Variants in IGSF9B observed in about 807,000 individuals in gnomAD.
The protein encoded by IGSF9B is protein turtle homolog B.
IGSF9B carries 48 observed loss-of-function variants against 143.7 expected under a neutral mutation model. That is an observed-to-expected ratio of 0.33 (90% CI 0.26 to 0.42). The LOEUF is 0.42. Ranked by LOEUF, IGSF9B falls within the 20% of genes least tolerant of loss-of-function variation. The probability of loss-of-function intolerance (pLI) is 1.00; values close to 1 mark genes in which losing one functional copy is unlikely to be tolerated. For missense variants in IGSF9B, 1,706 were observed against 1,980.0 expected (o/e 0.86, Z 2.63); for synonymous variants, 903 against 833.1 (o/e 1.08, Z -1.44).
chr11:133,911,178 GA>G (rs1401228283), intron 19 of IGSF9B, among the ~76,000 whole-genome samples: 1 of 152,220 alleles, frequency 6.6e-6, no homozygotes, highest in Non-Finnish European at 1.5e-5. Flanking sequence ...TTCATGAAAA[GA>G]GGGTTTTTAA....
Position 133,935,773 on chromosome 11 carries a change from G to T in IGSF9B, c.822-11C>A. 6.2e-7 allele frequency: 1 copy of T among 1,609,846 alleles called. No homozygotes were observed. Among genetic ancestry groups the T allele is most frequent in the African/African-American group, 1.3e-5 (1 of 75,060 alleles). ...CTCAGCTTCAGGTCGCTGCAAAGCG[G>T]CATGGGGACAGGGGGTTGGGCGAGC... On this transcript the variant is annotated splice_polypyrimidine_tract_variant and intron_variant, in intron 6 of 19. Coordinates refer to ENST00000533871, the MANE Select transcript of IGSF9B (RefSeq NM_001277285.4).
chr11:133,901,840 ACACCACACACG>A lies in IGSF9B; in HGVS notation c.*7218_*7228del, dbSNP rs764402917. On this transcript the variant is annotated 3_prime_UTR_variant, in exon 20 of 20. Coordinates refer to ENST00000533871, the MANE Select transcript of IGSF9B (RefSeq NM_001277285.4). The stretch of plus-strand genomic sequence containing the variant: ...CCACACCACACACACAAACACACAC[ACACCACACACG>A]CACCACACACGCACCACACACGCAC... Among the ~76,000 whole-genome samples the A allele has an allele frequency of 6.8e-4, 100 of 147,820 alleles. No homozygotes were observed. In the Middle Eastern group the frequency reaches 0.018, roughly 27 times the overall value.
intron 5 of IGSF9B, among the ~76,000 whole-genome samples, chr11:133,936,396 C>G (rs1003971068): frequency 3.3e-5 from 5 of 152,164 alleles, no homozygotes; most frequent in African/African-American, 4.8e-5. Flanking sequence ...CTCCCCAGAC[C>G]AGCCGCCACG....
chr11:133,918,120 G>A (rs1308687619), intron 18 of IGSF9B, among the ~76,000 whole-genome samples: 1 of 151,938 alleles, frequency 6.6e-6, no homozygotes, highest in Admixed American at 6.5e-5. Flanking sequence ...GAAGCCGTGG[G>A]GATCGAGGAG....
At position 133,906,533 on chromosome 11, in the gene IGSF9B, G is replaced by A. The variant is rs553678263; in HGVS notation, c.*2536C>T. On this transcript the variant is annotated 3_prime_UTR_variant, in exon 20 of 20. Transcript: ENST00000533871. ...GCTCCCCGCGTTGGGTCTACGTGCT[G>A]AGGTCATGGGCACTGCCAGAGGAAG... is the stretch of plus-strand genomic sequence containing the variant. 1.2e-4 allele frequency among the ~76,000 whole-genome samples: 19 copies of A among 152,352 alleles called. No individual in the cohort carries two copies. The highest frequency in any genetic ancestry group is 2.0e-4 in the Admixed American group (3 of 15,308).
chr11:133,934,949 T>C (rs1939794795), intron 7 of IGSF9B, among the ~76,000 whole-genome samples: 1 of 152,210 alleles, frequency 6.6e-6, no homozygotes, highest in Non-Finnish European at 1.5e-5. Flanking sequence ...TTACTCCTCA[T>C]TACTCATCCT....
chr11:133,924,538 C>CT (rs1218999076), intron 15 of IGSF9B, among the ~76,000 whole-genome samples: 4 of 152,196 alleles, frequency 2.6e-5, no homozygotes, highest in Non-Finnish European at 4.4e-5. Flanking sequence ...CAATCAAGTC[C>CT]TTTTTGACTA....
chr11:133,908,891 G>A lies in IGSF9B; in HGVS notation c.*178C>T, dbSNP rs566900776. On this transcript the variant is annotated 3_prime_UTR_variant, in exon 20 of 20. Transcript: ENST00000533871. ...CAGGTGGAAGGTGTGCCCACCCTCC[G>A]TCCTGAAGACAGGCGGCCAGGATCT... is the stretch of plus-strand genomic sequence containing the variant. 76 of 607,614 alleles carry A rather than the reference G, an allele frequency of 1.3e-4. No individual in the cohort carries two copies. Among genetic ancestry groups the A allele is most frequent in the Middle Eastern group, 8.9e-4 (2 of 2,256 alleles). 37.6% of individuals were successfully genotyped at this position (607,614 alleles called of 1,614,324 possible). A position where few individuals can be genotyped will look rare whatever the true frequency, so the allele number is the denominator to read the frequency against.
intron 18 of IGSF9B, 146 bp from the exon 19 acceptor site, chr11:133,912,153 C>G: frequency 1.1e-6 from 1 of 914,926 alleles, no homozygotes; most frequent in Non-Finnish European, 1.7e-6. Context: ...GGCTCCATGA[C>G]ACCCGCCTTT....
rs1321009082 is a variant in IGSF9B, at chr11:133,945,213, T to G, written c.263-847A>C. Among the ~76,000 whole-genome samples the G allele has an allele frequency of 1.3e-5, 2 of 152,090 alleles. No homozygotes were observed. Among genetic ancestry groups the G allele is most frequent in the African/African-American group, 4.8e-5 (2 of 41,402 alleles). On this transcript the variant is annotated intron_variant, in intron 2 of 19. Transcript: ENST00000533871. The surrounding 1 kb of genome is among the most constrained non-coding windows in gnomAD (Gnocchi z 4.6). ...AGCTCACCCCTCACCGCAGCCAATA[T>G]CACCACACCTCTGCTCTCCTCCTCG...
Position 133,920,064 on chromosome 11 carries a change from G to T in IGSF9B, c.3661C>A (p.Arg1221Ser). Residue 1221 changes from arginine (R) to serine (S), a missense_variant, in exon 18 of 20, where the codon CGT becomes AGT. Physicochemically the swap from Arg to Ser is moderately radical, Grantham distance 110 (BLOSUM62 -1). This residue lies in a region of IGSF9B where 880 missense variants were observed against 762.9 expected (regional missense o/e 1.15). Transcript: ENST00000533871. ...SRTGSPELAARARPRPGLLQQ... is the reference protein window; with the variant it reads ...SRTGSPELAASARPRPGLLQQ... ...AGGAGGCCCGGGCGAGGCCGGGCAC[G>T]GGCGGCGAGCTCAGGGGAGCCGGTG... The T allele has an allele frequency of 6.5e-7, 1 of 1,545,060 alleles. No individual in the cohort carries two copies. The highest frequency in any genetic ancestry group is 1.4e-5 in the African/African-American group (1 of 72,380).
chr11:133,927,715 C>T (rs1939653186), intron 12 of IGSF9B, among the ~76,000 whole-genome samples: 1 of 152,170 alleles, frequency 6.6e-6, no homozygotes, highest in Non-Finnish European at 1.5e-5. Context: ...AGGGTGTTCC[C>T]TTGTTCCACA....
intron 3 of IGSF9B, among the ~76,000 whole-genome samples, chr11:133,941,343 T>C (rs1939953294): frequency 1.3e-5 from 2 of 152,210 alleles, no homozygotes; most frequent in African/African-American, 4.8e-5. Flanking sequence ...AAAGAAATAA[T>C]TGGGTCTGTT....
In IGSF9B at chr11:133,921,151, G is replaced by A. The variant is rs368835316; in HGVS notation, c.2574C>T (p.Phe858=). ...ELISRGPDGR[F]VMDPAEMEPS... ...GCTCCATCTCGGCAGGGTCCATCAC[G>A]AAGCGGCCGTCAGGGCCTCTGCTGA... The change falls in exon 18 of 20, where the codon TTC becomes TTT. Residue 858 remains phenylalanine (F), a synonymous_variant. Transcript: ENST00000533871. 91 of 1,612,908 alleles carry A rather than the reference G, an allele frequency of 5.6e-5. No individual in the cohort carries two copies. The African/African-American group carries it at 9.1e-4, about 16-fold the overall frequency.
At position 133,956,928 on chromosome 11, in the gene IGSF9B, G is replaced by C. The variant is rs1025529559; in HGVS notation, c.-174C>G. 6 of 385,338 alleles carry C rather than the reference G, an allele frequency of 1.6e-5. No individual in the cohort carries two copies. The East Asian group carries it at 2.0e-4, about 13-fold the overall frequency. The allele number at this position is 385,338 out of a possible 1,614,324, so 23.9% of individuals were successfully genotyped here. On this transcript the variant is annotated 5_prime_UTR_variant, in exon 1 of 20. Coordinates refer to ENST00000533871, the MANE Select transcript of IGSF9B (RefSeq NM_001277285.4). ...ATCCCTCCTAGGCTCCGCTCGGCTC[G>C]GCGCGCGCCTCCCCGGCCCCGGCGC...
chr11:133,937,720 C>T, intron 4 of IGSF9B, 90 bp downstream of exon 4: 3 of 1,440,956 alleles, frequency 2.1e-6, no homozygotes, highest in Non-Finnish European at 1.9e-6. Context: ...GTGCTTGTGC[C>T]TGTAGCATCA....
chr11:133,942,589 C>T (rs1234237995), intron 3 of IGSF9B, among the ~76,000 whole-genome samples: 4 of 152,164 alleles, frequency 2.6e-5, no homozygotes, highest in Non-Finnish European at 4.4e-5. Context: ...TGCAAAAGAA[C>T]GGAGGCAGTG....
chr11:133,901,992 T>TCACA lies in IGSF9B; in HGVS notation c.*7073_*7076dup, dbSNP rs774684363. Among the ~76,000 whole-genome samples the TCACA allele has an allele frequency of 1.0e-5, 1 of 99,164 alleles. No individual in the cohort carries two copies. The highest frequency in any genetic ancestry group is 9.9e-5 in the Admixed American group (1 of 10,102). The allele number at this position is 99,164 out of a possible 152,430, so 65.1% of individuals were successfully genotyped here. ...ATCACACACATGCACACCAGACACA[T>TCACA]CACACACACACACACACCAGACATA... On this transcript the variant is annotated 3_prime_UTR_variant, in exon 20 of 20. Transcript: ENST00000533871.
chr11:133,955,211 G>C (rs982454549), intron 1 of IGSF9B, among the ~76,000 whole-genome samples: 3 of 152,140 alleles, frequency 2.0e-5, no homozygotes, highest in Admixed American at 6.5e-5. Context: ...AGACTGTCAA[G>C]CGCAGCCCGA....
Sources: allele counts gnomAD v4.1 joint callset (sites outside exome capture counted in the v4.1 genomes callset), GRCh38; gene constraint gnomAD v4.1.1; regional missense constraint gnomAD v4.1.1; non-coding constraint Gnocchi (gnomAD v3.1); transcripts MANE v1.5; gene names NCBI Gene and HGNC (gene_info 2026-07-23, HGNC 2026-07-21).